Variants in IPO11 observed in about 807,000 individuals in gnomAD.
IPO11 encodes importin-11.
A neutral mutation model predicts 143.2 loss-of-function variants in IPO11; 66 were observed. The ratio of observed to expected loss-of-function variants is 0.46; its 90% CI spans 0.38 to 0.57. IPO11 has a LOEUF of 0.57. Among genes scored for constraint, IPO11 ranks in the 20% least tolerant of loss-of-function variants. IPO11 has a pLI of 0.00. For synonymous variants in IPO11, 385 were observed against 377.8 expected, an observed-to-expected ratio of 1.02 and a Z score of -0.22; for missense variants, 1,026 against 1,141.0, an observed-to-expected ratio of 0.90 and a Z score of 1.45.
intron 22 of IPO11, among the ~76,000 whole-genome samples, chr5:62,531,874 TC>T (rs1742557610): frequency 6.6e-6 from 1 of 152,008 alleles, no homozygotes; most frequent in Non-Finnish European, 1.5e-5. Flanking sequence ...TTATCTAGAG[TC>T]CCCATAAAAG....
intron 14 of IPO11, 152 bp downstream of exon 14, chr5:62,489,501 A>C (rs1267520222): frequency 1.3e-4 from 71 of 540,048 alleles, no homozygotes; most frequent in South Asian, 2.0e-4. Context: ...TAAACAGATA[A>C]TGTATTATAA....
At chr5:62,493,962 T>C (rs1741037975) in intron 15 of IPO11, 36 bp from the exon 16 acceptor site, 1 of 1,570,178 alleles carries the variant, frequency 6.4e-7, no homozygotes, top group African/African-American at 1.4e-5. Flanking sequence ...TCTTAAAATA[T>C]TTAACATTTT....
intron 22 of IPO11, among the ~76,000 whole-genome samples, chr5:62,535,010 A>G (rs1388649444): frequency 8.5e-6 from 1 of 116,982 alleles, no homozygotes; most frequent in Non-Finnish European, 1.8e-5. Context: ...GGCTATGTAT[A>G]ATATTAATAT....
intron 19 of IPO11, among the ~76,000 whole-genome samples, chr5:62,511,170 C>G (rs191267536): frequency 6.6e-6 from 1 of 152,006 alleles, no homozygotes; most frequent in African/African-American, 2.4e-5. Flanking sequence ...GGTTTTATTA[C>G]CCTATTTGTA....
chr5:62,587,238 G>A (rs1744829626), intron 27 of IPO11, among the ~76,000 whole-genome samples: 1 of 152,056 alleles, frequency 6.6e-6, no homozygotes. Context: ...GAATGGTTTA[G>A]TAGATAAAAG....
chr5:62,479,315 AT>A (rs36085133), intron 9 of IPO11, among the ~76,000 whole-genome samples: 1 of 152,040 alleles, frequency 6.6e-6, no homozygotes, highest in Non-Finnish European at 1.5e-5. Flanking sequence ...TATGTGCCAC[AT>A]TTTCTTAATC....
chr5:62,575,111 A>G (rs1176629505), intron 27 of IPO11, among the ~76,000 whole-genome samples: 2 of 152,260 alleles, frequency 1.3e-5, no homozygotes, highest in African/African-American at 4.8e-5. Flanking sequence ...TTAAAAACTT[A>G]GAAATGGTGA....
At position 62,598,633 on chromosome 5, in the gene IPO11, C is replaced by G. The variant is rs538205810; in HGVS notation, c.2679-3131C>G. Among the ~76,000 whole-genome samples, 114 of 146,112 alleles carry G rather than the reference C, an allele frequency of 7.8e-4. No individual in the cohort carries two copies. The South Asian group carries it at 0.024, about 31-fold the overall frequency. On this transcript the variant is annotated intron_variant, in intron 28 of 29. Transcript: ENST00000325324. ...GATCTCGGCTCATTGCAACCTCTGC[C>G]TACCAGGTTCAAGCAGTTCTCTCAT...
chr5:62,612,859 G>A (rs115252905), intron 29 of IPO11, among the ~76,000 whole-genome samples: 170 of 152,340 alleles, frequency 1.1e-3, no homozygotes, highest in African/African-American at 3.8e-3. Flanking sequence ...TATAAGCAGC[G>A]CTTCAGTAAA....
intron 1 of IPO11, among the ~76,000 whole-genome samples, chr5:62,422,988 A>C (rs1283160534): frequency 6.6e-6 from 1 of 152,210 alleles, no homozygotes; most frequent in Non-Finnish European, 1.5e-5. Context: ...TGATAAAGCA[A>C]GAAAATATCA....
At chr5:62,513,912 C>CG (rs1429483232) in intron 19 of IPO11, among the ~76,000 whole-genome samples, 1 of 148,596 alleles carries the variant, frequency 6.7e-6, no homozygotes, top group Non-Finnish European at 1.5e-5. Context: ...ACCTCCCAGA[C>CG]GGGGTCGCGG....
chr5:62,455,987 A>G (rs955434711), intron 5 of IPO11, among the ~76,000 whole-genome samples: 1 of 152,026 alleles, frequency 6.6e-6, no homozygotes, highest in African/African-American at 2.4e-5. Context: ...AGCCTCCCAA[A>G]GTGCTGGGAT....
At chr5:62,623,645 C>CTTT (rs34547621) in intron 29 of IPO11, among the ~76,000 whole-genome samples, 2 of 134,266 alleles carry the variant, frequency 1.5e-5, no homozygotes, top group Admixed American at 7.5e-5. Flanking sequence ...TCTTCTTTTT[C>CTTT]TTTTTTTTTT....
At position 62,489,291 on chromosome 5, in the gene IPO11, A is replaced by G. The variant is rs1424231260; in HGVS notation, c.1310-11A>G. Reference sequence around the variant, plus strand: ...CTTTTACTGATACCTATTTATATATATATTTTTTAGGACCCACAAATGTGG... The same window carrying G: ...CTTTTACTGATACCTATTTATATATGTATTTTTTAGGACCCACAAATGTGG... On this transcript the variant is annotated splice_polypyrimidine_tract_variant and intron_variant, in intron 13 of 29. Coordinates refer to ENST00000325324, the MANE Select transcript of IPO11 (RefSeq NM_016338.5). The G allele has an allele frequency of 6.7e-7, 1 of 1,486,442 alleles. No individual in the cohort carries two copies. The highest frequency in any genetic ancestry group is 9.1e-7 in the Non-Finnish European group (1 of 1,099,526). The allele number at this position is 1,486,442 out of a possible 1,614,324, so 92.1% of individuals were successfully genotyped here. A position where few individuals can be genotyped will look rare whatever the true frequency, so the allele number is the denominator to read the frequency against.
At chr5:62,593,818 T>C (rs1745119496) in intron 28 of IPO11, among the ~76,000 whole-genome samples, 2 of 152,218 alleles carry the variant, frequency 1.3e-5, no homozygotes, top group African/African-American at 4.8e-5. Flanking sequence ...AGATACACTT[T>C]TCTGTGTCTC....
chr5:62,553,093 ATC>A (rs961800337), intron 26 of IPO11, among the ~76,000 whole-genome samples: 11 of 151,906 alleles, frequency 7.2e-5, no homozygotes, highest in African/African-American at 2.7e-4. Context: ...TTTAACCAAT[ATC>A]TCTCTCTCTC....
chr5:62,612,807 T>C (rs999520160), intron 29 of IPO11, among the ~76,000 whole-genome samples: 24 of 152,230 alleles, frequency 1.6e-4, no homozygotes, highest in Admixed American at 1.6e-3. Context: ...AATGAGAAAC[T>C]ACTCTTGAAA....
At chr5:62,436,855 T>A (rs1744261173) in intron 1 of IPO11, among the ~76,000 whole-genome samples, 1 of 152,244 alleles carries the variant, frequency 6.6e-6, no homozygotes, top group African/African-American at 2.4e-5. Context: ...TTGTCAAGGA[T>A]AAAGTTAGGT....
At chr5:62,490,720 T>C (rs1471149307) in intron 15 of IPO11, among the ~76,000 whole-genome samples, 6 of 152,238 alleles carry the variant, frequency 3.9e-5, no homozygotes, top group Non-Finnish European at 8.8e-5. Context: ...ATATGAATTA[T>C]GAAATGAATT....
Sources: allele counts gnomAD v4.1 joint callset (sites outside exome capture counted in the v4.1 genomes callset), GRCh38; gene constraint gnomAD v4.1.1; transcripts MANE v1.5; gene names NCBI Gene and HGNC (gene_info 2026-07-23, HGNC 2026-07-21).